Variants in SCRG1 observed in about 807,000 individuals in gnomAD.
SCRG1 encodes the protein stimulator of chondrogenesis 1.
Under a neutral mutation model 7.7 loss-of-function variants are expected in SCRG1, and 3 were observed. The observed-to-expected ratio is 0.39, with a 90% CI of 0.18 to 1.01. SCRG1 has a LOEUF of 1.01. Among genes scored for constraint, SCRG1 ranks in the 50% least tolerant of loss-of-function variants. The pLI, the probability that SCRG1 is intolerant of heterozygous loss-of-function variation, is 0.36. For missense variants in SCRG1, 110 were observed against 117.2 expected (o/e 0.94, Z 0.28); for synonymous variants, 46 against 41.2 (o/e 1.12, Z -0.44).
chr4:173,415,306 G>T, the SCRG1 span, among the ~76,000 whole-genome samples: 8 of 152,262 alleles, frequency 5.3e-5, no homozygotes, highest in Non-Finnish European at 1.2e-4. Context: ...TGAGGTTTCA[G>T]TTGGGTAAAG....
upstream of SCRG1, among the ~76,000 whole-genome samples, chr4:173,402,102 C>T (rs1422121558): frequency 2.0e-5 from 3 of 152,162 alleles, no homozygotes; most frequent in Non-Finnish European, 4.4e-5. Context: ...TGAAGACCAC[C>T]TGTTTCTTTG....
At chr4:173,449,064 G>C in the SCRG1 span, among the ~76,000 whole-genome samples, 41 of 152,188 alleles carry the variant, frequency 2.7e-4, 1 homozygote, top group African/African-American at 9.2e-4. Flanking sequence ...CAGAGTGAGA[G>C]GTCTCCAGTG....
chr4:173,414,242 C>G, the SCRG1 span, among the ~76,000 whole-genome samples: 13 of 152,222 alleles, frequency 8.5e-5, no homozygotes, highest in African/African-American at 3.1e-4. Context: ...GCCTTCCTCC[C>G]TGACATCTGT....
At chr4:173,483,934 A>G in the SCRG1 span, among the ~76,000 whole-genome samples, 124 of 92,608 alleles carry the variant, frequency 1.3e-3, no homozygotes, top group South Asian at 5.3e-3. Context: ...TATTTCATAT[A>G]TAATATAAAT....
At chr4:173,447,249 G>T in the SCRG1 span, among the ~76,000 whole-genome samples, 1 of 152,164 alleles carries the variant, frequency 6.6e-6, no homozygotes, top group African/African-American at 2.4e-5. Context: ...AAGAGGGCTA[G>T]CTAGCTTTCT....
chr4:173,389,341 T>C (rs1234147155), intron 2 of SCRG1, among the ~76,000 whole-genome samples: 1 of 152,132 alleles, frequency 6.6e-6, no homozygotes, highest in Non-Finnish European at 1.5e-5. Context: ...GAGACCATCC[T>C]GACCAACACG....
At chr4:173,460,991 A>G in the SCRG1 span, among the ~76,000 whole-genome samples, 1 of 152,118 alleles carries the variant, frequency 6.6e-6, no homozygotes, top group Non-Finnish European at 1.5e-5. Context: ...CTGCTTTTAG[A>G]AAGGGGAGAG....
chr4:173,508,499 G>A, the SCRG1 span, among the ~76,000 whole-genome samples: 2 of 152,156 alleles, frequency 1.3e-5, no homozygotes, highest in Non-Finnish European at 2.9e-5. This position sits in a 1 kb window ranked among gnomAD's most constrained non-coding sequence, Gnocchi z 4.4. Flanking sequence ...TCCACCTTCC[G>A]GACCTCTGCA....
At chr4:173,408,560 TTA>T (rs1275412786), upstream of SCRG1, among the ~76,000 whole-genome samples, 1 of 152,232 alleles carries the variant, frequency 6.6e-6, no homozygotes, top group Non-Finnish European at 1.5e-5. Context: ...ATGGTTTATT[TTA>T]TGTCTTAAGT....
the SCRG1 span, among the ~76,000 whole-genome samples, chr4:173,479,237 A>G: frequency 6.6e-6 from 1 of 152,196 alleles, no homozygotes; most frequent in East Asian, 1.9e-4. Flanking sequence ...CCAAGCATGC[A>G]TGACTACTGT....
chr4:173,430,011 T>G, the SCRG1 span, among the ~76,000 whole-genome samples: 1 of 145,716 alleles, frequency 6.9e-6, no homozygotes, highest in African/African-American at 2.5e-5. Flanking sequence ...TTTTTTTTTT[T>G]GTCAGTATAA....
At chr4:173,451,730 A>G in the SCRG1 span, among the ~76,000 whole-genome samples, 19 of 151,576 alleles carry the variant, frequency 1.3e-4, no homozygotes, top group African/African-American at 4.4e-4. Flanking sequence ...GTGCAGTGGC[A>G]CGATCTCAGC....
upstream of SCRG1, among the ~76,000 whole-genome samples, chr4:173,409,588 C>CT (rs372218375): frequency 0.92 from 122,925 of 133,336 alleles, 57,247 homozygotes; most frequent in East Asian, 0.98. Context: ...TCCCTGCATA[C>CT]TTTTTTTTTT....
the SCRG1 span, among the ~76,000 whole-genome samples, chr4:173,476,354 G>GAAAAA: frequency 3.1e-3 from 216 of 69,752 alleles, 8 homozygotes; most frequent in Middle Eastern, 5.7e-3. Context: ...CTCTGAGGGG[G>GAAAAA]AAAAAAAAAA....
chr4:173,419,470 G>T, the SCRG1 span: 1 of 888,384 alleles, frequency 1.1e-6, no homozygotes. Flanking sequence ...TGTATTGAGA[G>T]AACTGTTTTT....
At chr4:173,461,258 C>T in the SCRG1 span, among the ~76,000 whole-genome samples, 3 of 152,146 alleles carry the variant, frequency 2.0e-5, no homozygotes, top group Admixed American at 2.0e-4. Flanking sequence ...TATAGCAGGC[C>T]TTGGGTGAGA....
At chr4:173,503,914 G>T in the SCRG1 span, among the ~76,000 whole-genome samples, 1 of 152,314 alleles carries the variant, frequency 6.6e-6, no homozygotes, top group South Asian at 2.1e-4. The surrounding 1 kb of genome is among the most constrained non-coding windows in gnomAD (Gnocchi z 6.4). Context: ...AGCGGGGTGC[G>T]TGGGGATAGT....
intron 2 of SCRG1, among the ~76,000 whole-genome samples, 174 bp from the exon 3 acceptor site, chr4:173,388,569 G>A (rs796777877): frequency 1.6e-4 from 25 of 152,282 alleles, no homozygotes; most frequent in African/African-American, 5.5e-4. Context: ...AACAAAGACC[G>A]AGAAGGTAAT....
the SCRG1 span, among the ~76,000 whole-genome samples, chr4:173,473,230 T>C: frequency 2.6e-5 from 4 of 152,210 alleles, no homozygotes; most frequent in Admixed American, 2.6e-4. Flanking sequence ...ATAAACCTGG[T>C]TTCTGCCAGC....
Sources: gnomAD v4.1 joint callset for allele counts (sites outside exome capture counted in the v4.1 genomes callset) on GRCh38, gnomAD v4.1.1 for gene constraint, Gnocchi (gnomAD v3.1) non-coding constraint, MANE v1.5 for transcripts, NCBI Gene and HGNC (gene_info 2026-07-23, HGNC 2026-07-21) for gene names.